The following CSMD1 variants were observed in gnomAD, a reference collection of about 807,000 sequenced individuals.
CSMD1 encodes CUB and sushi domain-containing protein 1.
CSMD1 carries 213 observed loss-of-function variants against 417.5 expected under a neutral mutation model. The ratio of observed to expected loss-of-function variants is 0.51; its 90% confidence interval spans 0.46 to 0.57. CSMD1 has a LOEUF of 0.57. CSMD1 is among the 20% of genes least tolerant of loss of function. The pLI is 0.00. For synonymous variants in CSMD1, 2,862 were observed against 1,736.8 expected (o/e 1.65, Z -16.11); for missense variants, 6,923 against 4,529.7 (o/e 1.53, Z -15.17).
intron 10 of CSMD1, among the ~76,000 whole-genome samples, chr8:3,563,999 T>C (rs1799586767): frequency 6.6e-6 from 1 of 152,210 alleles, no homozygotes; most frequent in African/African-American, 2.4e-5. Context: ...TAAAGTTCTG[T>C]CTTTTTAAGC....
At chr8:3,988,768 G>T (rs925740222) in intron 5 of CSMD1, among the ~76,000 whole-genome samples, 1 of 152,216 alleles carries the variant, frequency 6.6e-6, no homozygotes, top group Non-Finnish European at 1.5e-5. Flanking sequence ...AGCCCTGAAT[G>T]TGAAACAATG....
chr8:3,512,502 C>T (rs150756216), intron 10 of CSMD1, among the ~76,000 whole-genome samples: 1 of 151,866 alleles, frequency 6.6e-6, no homozygotes, highest in African/African-American at 2.4e-5. Flanking sequence ...AGAATGACCA[C>T]ATGAACGGCT....
intron 49 of CSMD1, among the ~76,000 whole-genome samples, chr8:3,056,031 A>T (rs1295243029): frequency 6.6e-6 from 1 of 152,246 alleles, no homozygotes; most frequent in Non-Finnish European, 1.5e-5. Context: ...TCTAATAATT[A>T]TGTTATAGGC....
chr8:4,513,890 T>C (rs1029088715), intron 2 of CSMD1, among the ~76,000 whole-genome samples: 3 of 152,178 alleles, frequency 2.0e-5, no homozygotes, highest in African/African-American at 7.2e-5. Flanking sequence ...GATCAGTGGT[T>C]CCTAGGTATT....
At chr8:3,180,015 A>G (rs571335675) in intron 37 of CSMD1, among the ~76,000 whole-genome samples, 2 of 152,350 alleles carry the variant, frequency 1.3e-5, no homozygotes, top group South Asian at 4.1e-4. Context: ...ACATCGTAGC[A>G]AACTGTTTAT....
intron 1 of CSMD1, among the ~76,000 whole-genome samples, chr8:4,819,418 G>C (rs913842660): frequency 6.6e-6 from 1 of 151,524 alleles, no homozygotes; most frequent in African/African-American, 2.4e-5. Context: ...AAGCTTCATA[G>C]AGCAAATAAA....
intron 1 of CSMD1, among the ~76,000 whole-genome samples, chr8:4,814,247 T>C (rs558021983): frequency 6.6e-6 from 1 of 152,280 alleles, no homozygotes; most frequent in East Asian, 1.9e-4. Flanking sequence ...TGCGCGTGTG[T>C]GTATGTGTGT....
intron 49 of CSMD1, among the ~76,000 whole-genome samples, chr8:3,084,953 T>C (rs1814415613): frequency 6.6e-6 from 1 of 151,826 alleles, no homozygotes; most frequent in Non-Finnish European, 1.5e-5. Flanking sequence ...TTTTATATTA[T>C]AATTAAAATG....
chr8:4,422,314 T>A (rs1313686896), intron 2 of CSMD1, among the ~76,000 whole-genome samples: 2 of 152,090 alleles, frequency 1.3e-5, no homozygotes, highest in East Asian at 3.9e-4. Flanking sequence ...CTTTCCCTTA[T>A]GGGCTGAATT....
At chr8:3,308,253 T>A in intron 24 of CSMD1, 59 bp downstream of exon 24, 1 of 1,328,258 alleles carries the variant, frequency 7.5e-7, no homozygotes, top group Admixed American at 2.0e-5. Context: ...CAATGCAACA[T>A]GGTGCAAGCA....
intron 2 of CSMD1, among the ~76,000 whole-genome samples, chr8:4,574,514 A>G (rs1354670579): frequency 6.6e-6 from 1 of 151,906 alleles, no homozygotes; most frequent in African/African-American, 2.4e-5. Flanking sequence ...TGCAGAAATC[A>G]CCCGCCTTCT....
intron 5 of CSMD1, among the ~76,000 whole-genome samples, chr8:3,911,860 CATCT>C (rs1808487025): frequency 6.6e-6 from 1 of 152,146 alleles, no homozygotes; most frequent in Non-Finnish European, 1.5e-5. Context: ...TTCTCCTTCC[CATCT>C]GTGTTCCATC....
intron 1 of CSMD1, among the ~76,000 whole-genome samples, chr8:4,749,380 T>A (rs73497874): frequency 0.084 from 12,749 of 152,284 alleles, 590 homozygotes; most frequent in East Asian, 0.23. Flanking sequence ...TGCTAAGCGG[T>A]CCTTGATAGT....
intron 50 of CSMD1, among the ~76,000 whole-genome samples, chr8:3,038,748 C>A (rs981729599): frequency 6.6e-6 from 1 of 151,938 alleles, no homozygotes; most frequent in Non-Finnish European, 1.5e-5. Flanking sequence ...AAAATTTTTT[C>A]TTACAATATT....
intron 3 of CSMD1, among the ~76,000 whole-genome samples, chr8:4,072,584 C>T (rs898936692): frequency 1.3e-5 from 2 of 152,100 alleles, no homozygotes; most frequent in Non-Finnish European, 2.9e-5. Context: ...ATATGAGGTT[C>T]TGTGGTTGTA....
intron 8 of CSMD1, among the ~76,000 whole-genome samples, chr8:3,611,383 A>T (rs1801886664): frequency 1.3e-5 from 2 of 152,230 alleles, no homozygotes; most frequent in South Asian, 4.1e-4. Flanking sequence ...CATCTATGTA[A>T]TTGTTTGAGT....
chr8:4,263,613 A>T (rs1363241449), intron 3 of CSMD1, among the ~76,000 whole-genome samples: 1 of 152,174 alleles, frequency 6.6e-6, no homozygotes, highest in Admixed American at 6.5e-5. Flanking sequence ...CAATCCAGGA[A>T]ATTGTCAAAT....
chr8:3,481,416 T>A (rs542444627), intron 11 of CSMD1, among the ~76,000 whole-genome samples: 4 of 152,054 alleles, frequency 2.6e-5, no homozygotes. Context: ...TTTCAAAAAG[T>A]TGAAGGGGTA....
Position 3,998,080 on chromosome 8 carries a change from C to T in CSMD1, c.641G>A (p.Gly214Glu). 6.3e-7 allele frequency: 1 copy of T among 1,584,770 alleles called. No individual in the cohort carries two copies. Among genetic ancestry groups the T allele is most frequent in the South Asian group, 1.1e-5 (1 of 86,972 alleles). The change falls in exon 5 of 70, where the codon GGG (glycine) becomes GAG (glutamate). Residue 214 changes from glycine (G) to glutamate (E), a missense_variant. Coordinates refer to ENST00000635120, the MANE Select transcript of CSMD1 (RefSeq NM_033225.6). The stretch of plus-strand genomic sequence containing the variant: ...CGGGCTGGAGATGGAGCTGCTGGTC[C>T]CGCGTAAGGTTCCTCCGCAGGCTCC... Reference protein sequence around the residue: ...AEGACGGTLRGTSSSISSPHF... With the variant: ...AEGACGGTLRETSSSISSPHF...
Sources: gnomAD v4.1 joint callset for allele counts (sites outside exome capture counted in the v4.1 genomes callset) on GRCh38, gnomAD v4.1.1 for gene constraint, MANE v1.5 for transcripts, NCBI Gene and HGNC (gene_info 2026-07-23, HGNC 2026-07-21) for gene names.